PDE1C: variants seen among roughly 807,000 people sequenced by gnomAD.
PDE1C encodes the protein dual specificity calcium/calmodulin-dependent 3',5'-cyclic nucleotide phosphodiesterase 1C.
Under a neutral mutation model 93.1 loss-of-function variants are expected in PDE1C, and 62 were observed. The observed-to-expected ratio is 0.67, with a 90% confidence interval of 0.54 to 0.82. The LOEUF is 0.82. Ranked by LOEUF, PDE1C falls within the 40% of genes least tolerant of loss-of-function variation. The pLI, the probability that PDE1C is intolerant of heterozygous loss-of-function variation, is 0.00. For missense variants in PDE1C, 742 were observed against 884.6 expected (o/e 0.84, Z 2.04); for synonymous variants, 325 against 310.1 (o/e 1.05, Z -0.50).
chr7:32,238,803 T>C (rs1469894264), intron 1 of PDE1C, among the ~76,000 whole-genome samples: 1 of 152,188 alleles, frequency 6.6e-6, no homozygotes, highest in East Asian at 1.9e-4. Flanking sequence ...TAGTTATCCA[T>C]ATTGGGGAAA....
intron 16 of PDE1C, among the ~76,000 whole-genome samples, chr7:31,799,983 C>T (rs1785794313): frequency 6.6e-6 from 1 of 151,588 alleles, no homozygotes; most frequent in African/African-American, 2.4e-5. Context: ...TTTGTTTTAT[C>T]TTAATATGGT....
intron 1 of PDE1C, among the ~76,000 whole-genome samples, chr7:32,371,508 C>T (rs1784333560): frequency 6.6e-6 from 1 of 152,206 alleles, no homozygotes; most frequent in Non-Finnish European, 1.5e-5. Context: ...GGCCACAATA[C>T]ATACCTTACT....
the PDE1C span, among the ~76,000 whole-genome samples, chr7:31,725,385 A>G: frequency 6.6e-6 from 1 of 152,212 alleles, no homozygotes; most frequent in Non-Finnish European, 1.5e-5. Flanking sequence ...CATCAAAAGG[A>G]TGAGACCCAA....
chr7:32,185,059 C>G (rs1477252040), intron 2 of PDE1C, among the ~76,000 whole-genome samples: 1 of 150,626 alleles, frequency 6.6e-6, no homozygotes, highest in Non-Finnish European at 1.5e-5. Flanking sequence ...TGTGGTGAGT[C>G]GAGATCGCAC....
intron 2 of PDE1C, among the ~76,000 whole-genome samples, chr7:32,050,054 G>T (rs146020304): frequency 5.3e-4 from 80 of 152,292 alleles, no homozygotes; most frequent in African/African-American, 1.8e-3. Flanking sequence ...GTGGGCAACT[G>T]TAACACAATG....
At chr7:32,148,473 C>A (rs1801045997) in intron 3 of PDE1C, among the ~76,000 whole-genome samples, 2 of 152,188 alleles carry the variant, frequency 1.3e-5, no homozygotes, top group African/African-American at 4.8e-5. Context: ...GTTTCTATTT[C>A]ATAAAATGGA....
chr7:32,243,295 C>G (rs1163969951), intron 1 of PDE1C, among the ~76,000 whole-genome samples: 1 of 152,172 alleles, frequency 6.6e-6, no homozygotes, highest in South Asian at 2.1e-4. Flanking sequence ...TCTTCCTGGG[C>G]TGGTGCTCAT....
At chr7:32,270,051 C>A (rs780955327) in intron 1 of PDE1C, among the ~76,000 whole-genome samples, 20 of 152,082 alleles carry the variant, frequency 1.3e-4, no homozygotes, top group Non-Finnish European at 2.6e-4. Flanking sequence ...GCTGGGATTA[C>A]AGGTGTGGTA....
chr7:31,825,108 G>A (rs1023455610), intron 12 of PDE1C, 121 bp from the exon 13 acceptor site: 4 of 1,222,000 alleles, frequency 3.3e-6, no homozygotes, highest in Non-Finnish European at 4.6e-6. Flanking sequence ...TTGATCTTAT[G>A]TACTGTATGT....
chr7:32,201,120 G>A (rs561721658), intron 2 of PDE1C, among the ~76,000 whole-genome samples: 26 of 152,322 alleles, frequency 1.7e-4, no homozygotes, highest in African/African-American at 6.0e-4. Flanking sequence ...TTCCTTCATT[G>A]CTGGCACCTG....
chr7:31,671,865 A>G, the PDE1C span, among the ~76,000 whole-genome samples: 3 of 152,298 alleles, frequency 2.0e-5, no homozygotes, highest in African/African-American at 4.8e-5. Flanking sequence ...AAAGCCCACA[A>G]TAAAATGAGA....
intron 1 of PDE1C, among the ~76,000 whole-genome samples, chr7:32,420,517 G>A (rs1219554207): frequency 2.0e-5 from 3 of 147,664 alleles, no homozygotes; most frequent in Non-Finnish European, 4.5e-5. Context: ...TGGTGCCACT[G>A]CACTCCAGCC....
intron 3 of PDE1C, among the ~76,000 whole-genome samples, chr7:32,165,930 C>T (rs1802226460): frequency 6.6e-6 from 1 of 151,944 alleles, no homozygotes; most frequent in African/African-American, 2.4e-5. Context: ...CTGGGATGAG[C>T]CCAACAATCT....
chr7:32,198,953 C>T (rs745612135), intron 2 of PDE1C, among the ~76,000 whole-genome samples: 12 of 151,458 alleles, frequency 7.9e-5, no homozygotes, highest in Non-Finnish European at 1.2e-4. Flanking sequence ...CCTGTCTCTA[C>T]TGAAAAAAAA....
chr7:32,152,843 C>CA (rs1431925401), intron 3 of PDE1C, among the ~76,000 whole-genome samples: 3 of 151,834 alleles, frequency 2.0e-5, no homozygotes, highest in Non-Finnish European at 4.4e-5. Flanking sequence ...AAAATTAGGA[C>CA]AAAAAAACTG....
chr7:31,876,229 A>G (rs1054801033), intron 5 of PDE1C, among the ~76,000 whole-genome samples: 1 of 152,188 alleles, frequency 6.6e-6, no homozygotes, highest in Non-Finnish European at 1.5e-5. Context: ...GGACATAGCC[A>G]AGAGAAATAG....
chr7:32,024,383 AT>A (rs1398059088), intron 2 of PDE1C, among the ~76,000 whole-genome samples: 12 of 150,892 alleles, frequency 8.0e-5, no homozygotes, highest in Admixed American at 7.9e-4. Context: ...AGATATGTAG[AT>A]TTCTCAATAT....
At chr7:32,102,521 C>T (rs1311046607) in intron 3 of PDE1C, among the ~76,000 whole-genome samples, 3 of 152,168 alleles carry the variant, frequency 2.0e-5, no homozygotes, top group Non-Finnish European at 4.4e-5. Context: ...GGTTAGCAAA[C>T]CTATATAAAG....
chr7:32,206,862 G>A (rs1295981585), intron 2 of PDE1C, among the ~76,000 whole-genome samples: 4 of 152,210 alleles, frequency 2.6e-5, no homozygotes, highest in Admixed American at 2.0e-4. Context: ...GCGCACTCAA[G>A]TCAAGGTCAG....
Sources: allele counts gnomAD v4.1 joint callset (sites outside exome capture counted in the v4.1 genomes callset), GRCh38; gene constraint gnomAD v4.1.1; transcripts MANE v1.5; gene names NCBI Gene and HGNC (gene_info 2026-07-23, HGNC 2026-07-21).